The following TTN variants were observed in gnomAD, a reference collection of about 807,000 sequenced individuals.
TTN encodes titin.
TTN carries 1,525 observed loss-of-function variants against 3,223.0 expected under a neutral mutation model. That is an observed-to-expected ratio of 0.47 (90% confidence interval 0.45 to 0.49). The LOEUF is 0.49. Ranked by LOEUF, TTN falls within the 20% of genes least tolerant of loss-of-function variation. The pLI, the probability that TTN is intolerant of heterozygous loss-of-function variation, is 0.00. For synonymous variants in TTN, 14,094 were observed against 15,161.0 expected, an observed-to-expected ratio of 0.93 and a Z score of 5.17; for missense variants, 40,786 against 43,424.0, an observed-to-expected ratio of 0.94 and a Z score of 5.40.
chr2:178,542,803 C>CT lies in TTN; in HGVS notation c.97050dup (p.Glu32351ArgfsTer6), dbSNP rs794729365. The stretch of plus-strand genomic sequence containing the variant: ...GTGTGAGTTTCAACTGTGACACGCT[C>CT]TGATTCTCTCAGTTTAGAACCAGCA... On this transcript the variant is annotated frameshift_variant, in exon 348 of 363. Coordinates refer to ENST00000589042, the MANE Select transcript of TTN (RefSeq NM_001267550.2). LOFTEE classifies it high-confidence loss of function. 4 of 1,613,678 alleles carry CT rather than the reference C, an allele frequency of 2.5e-6. No individual in the cohort carries two copies. The highest frequency in any genetic ancestry group is 3.4e-6 in the Non-Finnish European group (4 of 1,179,774).
chr2:178,604,269 G>T lies in TTN; in HGVS notation c.54418C>A (p.Arg18140=). 1 of 1,552,662 alleles carries T rather than the reference G, an allele frequency of 6.4e-7. No homozygotes were observed. The highest frequency in any genetic ancestry group is 1.3e-5 in the South Asian group (1 of 79,794). The change falls in exon 282 of 363, where the codon CGA becomes AGA. Residue 18140 remains arginine, a synonymous_variant. Transcript: ENST00000589042. ...CCATATTTATTCACTGCCCTGACTC[G>T]GAACTCATACTGACCATTGGGGATA... is the stretch of plus-strand genomic sequence containing the variant. ...KLIPNGQYEF[R]VRAVNKYGIS...
rs1409457032 is a variant in TTN at position 178,769,652 on chromosome 2, T to C, written c.8902+27A>G. ...ATTTGATATTTTATATATATGTGTA[T>C]ATATATATATATATTTTTTAACTTA... On this transcript the variant is annotated intron_variant, in intron 37 of 362. Coordinates refer to ENST00000589042, the MANE Select transcript of TTN (RefSeq NM_001267550.2). 7.6e-6 allele frequency: 7 copies of C among 922,970 alleles called. No homozygotes were observed. In the Admixed American group the frequency reaches 1.9e-4, roughly 25 times the overall value. The allele number at this position is 922,970 out of a possible 1,614,324, so 57.2% of individuals were successfully genotyped here.
intron 321 of TTN, 59 bp from the exon 322 acceptor site, chr2:178,578,244 G>A (rs771513348): frequency 6.3e-6 from 9 of 1,431,542 alleles, no homozygotes; most frequent in Middle Eastern, 1.8e-4. Context: ...CAATATATAT[G>A]TGTTGCCCAA....
At position 178,532,779 on chromosome 2, in the gene TTN, T is replaced by C. The variant is rs533393186; in HGVS notation, c.103836A>G (p.Thr34612=). The C allele has an allele frequency of 1.9e-6, 3 of 1,614,000 alleles. No homozygotes were observed. The East Asian group carries it at 6.7e-5, about 36-fold the overall frequency. ...QFYVMPLPRI[T]DQYRPKWRIP... ...TACGCCATTTAGGTCTGTATTGATC[T>C]GTAATGCGTGGAAGAGGCATCACAT... Residue 34612 remains threonine (T), a synonymous_variant, in exon 358 of 363, where the codon ACA becomes ACG. Coordinates refer to ENST00000589042, the MANE Select transcript of TTN (RefSeq NM_001267550.2).
At chr2:178,538,493 A>C (rs1692759121) in intron 354 of TTN, 47 bp downstream of exon 354, 1 of 1,546,060 alleles carries the variant, frequency 6.5e-7, no homozygotes, top group Non-Finnish European at 8.7e-7. Context: ...ATTAGCCTTA[A>C]CTTGTTTAGT....
At chr2:178,612,669 C>G (rs1576435759) in intron 265 of TTN, 93 bp from the exon 266 acceptor site, 1 of 1,533,768 alleles carries the variant, frequency 6.5e-7, no homozygotes. Context: ...AGTAATGTAG[C>G]CAGGAGGAAA....
rs928128015 is a variant in TTN at position 178,537,376 on chromosome 2, T to G, written c.99831A>C (p.Gly33277=). The G allele has an allele frequency of 6.3e-7, 1 of 1,595,166 alleles. No individual in the cohort carries two copies. The highest frequency in any genetic ancestry group is 8.6e-7 in the Non-Finnish European group (1 of 1,168,676). Residue 33277 remains glycine (G), a synonymous_variant, in exon 355 of 363, where the codon GGA becomes GGC. Coordinates refer to ENST00000589042, the MANE Select transcript of TTN (RefSeq NM_001267550.2). ...CCACATCAAGGATGGCATCAACTGTTCCAAAAACATTGCTGAGCTGGACTT... is the reference window on the plus strand; with the variant it reads ...CCACATCAAGGATGGCATCAACTGTGCCAAAAACATTGCTGAGCTGGACTT... ...KYKVQLSNVF[G]TVDAILDVEI...
Position 178,566,701 on chromosome 2 carries a change from A to C in TTN, c.79431T>G (p.Val26477=), listed in dbSNP as rs776973437. ...AGVGEPSPAT[V]YYKACDPVFK... The stretch of plus-strand genomic sequence containing the variant: ...ACACAGGATCACAGGCTTTATAATA[A>C]ACTGTAGCTGGACTTGGTTCCCCAA... Residue 26477 remains valine (V), a synonymous_variant, in exon 326 of 363, where the codon GTT becomes GTG. Transcript: ENST00000589042. 11 of 1,613,288 alleles carry C rather than the reference A, an allele frequency of 6.8e-6. No individual in the cohort carries two copies. In the South Asian group the frequency reaches 1.1e-4, roughly 16 times the overall value.
chr2:178,546,553 C>T, intron 341 of TTN, 47 bp downstream of exon 341: 1 of 1,594,274 alleles, frequency 6.3e-7, no homozygotes, highest in Non-Finnish European at 8.6e-7. Context: ...TTTATTTTCA[C>T]ATAAATTGAG....
Position 178,773,663 on chromosome 2 carries a change from CA to C in TTN, c.7392del (p.Glu2465AsnfsTer9), listed in dbSNP as rs1173899040. 1.2e-6 allele frequency: 2 copies of C among 1,614,034 alleles called. No individual in the cohort carries two copies. The highest frequency in any genetic ancestry group is 1.7e-6 in the Non-Finnish European group (2 of 1,179,960). ...ACATCAGGGACTGACACCTTACATTCAAGCACAGCCTTGGTGCCTTCAATCA... is the reference window on the plus strand; with the variant it reads ...ACATCAGGGACTGACACCTTACATTCAGCACAGCCTTGGTGCCTTCAATCA... ...VNVIEGTKAVLECKVSVPDVT... is the reference protein window; with the variant it reads ...VNVIEGTKAVXECKVSVPDVT... On this transcript the variant is annotated frameshift_variant, in exon 32 of 363. Coordinates refer to ENST00000589042, the MANE Select transcript of TTN (RefSeq NM_001267550.2). LOFTEE classifies it high-confidence loss of function.
chr2:178,651,898 G>A lies in TTN; in HGVS notation c.39365C>T (p.Ala13122Val), dbSNP rs772564526. The A allele has an allele frequency of 3.7e-6, 6 of 1,607,920 alleles. No individual in the cohort carries two copies. Among genetic ancestry groups the A allele is most frequent in the Admixed American group, 3.4e-5 (2 of 59,044 alleles). Residue 13122 changes from alanine (A) to valine (V), a missense_variant, in exon 205 of 363, where the codon GCG (alanine) becomes GTG (valine). Transcript: ENST00000589042. ...TTGCCATGTACCTTGTGGAGGCGCC[G>A]CTGGCTCTGGCTCTTCCACAACTTC... Reference protein sequence around the residue: ...PAEVVEEPEPAAPPQVTVPPK... With the variant: ...PAEVVEEPEPVAPPQVTVPPK...
chr2:178,697,139 T>A lies in TTN; in HGVS notation c.30784A>T (p.Thr10262Ser). The A allele has an allele frequency of 3.2e-6, 5 of 1,553,344 alleles. No homozygotes were observed. Among genetic ancestry groups the A allele is most frequent in the Non-Finnish European group, 4.4e-6 (5 of 1,148,364 alleles). The part of the protein sequence containing the change: ...EIVKKPPPPT[T>S]LIPAKAPEII... ...TATTTACCTTTTGCTGGAATTAAGGTAGTAGGAGGTGGAGGCTTCTTGACA... is the reference window on the plus strand; with the variant it reads ...TATTTACCTTTTGCTGGAATTAAGGAAGTAGGAGGTGGAGGCTTCTTGACA... Residue 10262 changes from threonine to serine, a missense_variant, in exon 113 of 363, where the codon ACC becomes TCC. Thr to Ser is a moderately conservative substitution (Grantham distance 58). Coordinates refer to ENST00000589042, the MANE Select transcript of TTN (RefSeq NM_001267550.2).
intron 258 of TTN, 28 bp downstream of exon 258, chr2:178,615,613 G>A (rs746193789): frequency 4.5e-5 from 73 of 1,611,234 alleles, no homozygotes; most frequent in Non-Finnish European, 6.1e-5. Flanking sequence ...AACAAGATTA[G>A]GTAAGAAATC....
At position 178,601,885 on chromosome 2, in the gene TTN, T is replaced by C. The variant is rs1162954029; in HGVS notation, c.55299A>G (p.Ala18433=). The C allele has an allele frequency of 1.9e-6, 3 of 1,611,116 alleles. No homozygotes were observed. The East Asian group carries it at 6.7e-5, about 36-fold the overall frequency. ...ATTTTAATTATTATTTTTTTACCTG[T>C]GCATCTTCGGGTATGTCATGAACTC... ...KDGVHDIPED[A]QLETAENSSV... is the part of the protein sequence containing the mutation. Residue 18433 remains alanine, a synonymous_variant, in exon 285 of 363, where the codon GCA becomes GCG. Coordinates refer to ENST00000589042, the MANE Select transcript of TTN (RefSeq NM_001267550.2).
At chr2:178,691,787 T>C (rs944991404) in intron 121 of TTN, among the ~76,000 whole-genome samples, 3 of 152,244 alleles carry the variant, frequency 2.0e-5, no homozygotes, top group African/African-American at 7.2e-5. Flanking sequence ...AGATAGCAGT[T>C]TGACATAGTT....
At position 178,756,225 on chromosome 2, in the gene TTN, CT is replaced by C. The variant is rs1423189980; in HGVS notation, c.11250del (p.Gly3751ValfsTer19). On this transcript the variant is annotated frameshift_variant, in exon 46 of 363. Coordinates refer to ENST00000589042, the MANE Select transcript of TTN (RefSeq NM_001267550.2). LOFTEE classifies it high-confidence loss of function. The stretch of plus-strand genomic sequence containing the variant: ...TCATAGCTAAAAATCAATTAACCAC[CT>C]TCTACACTTAGTACTGCTGACGTTG... The part of the protein sequence containing the change: ...ERTTSAVLSV[E>X]GAPESILHER... The C allele has an allele frequency of 1.2e-6, 2 of 1,601,980 alleles. No homozygotes were observed. The highest frequency in any genetic ancestry group is 3.3e-5 in the Admixed American group (2 of 59,706).
In TTN at chr2:178,651,761, G is replaced by C. The variant is rs1467676812; in HGVS notation, c.39380-12C>G. ...AGGTGGTACGGTCACTAAAGAATTA[G>C]AAGGTATGTTTTAGAAAGAACGAAG... On this transcript the variant is annotated splice_polypyrimidine_tract_variant and intron_variant, in intron 205 of 362. Coordinates refer to ENST00000589042, the MANE Select transcript of TTN (RefSeq NM_001267550.2). 1.2e-6 allele frequency: 2 copies of C among 1,612,230 alleles called. No homozygotes were observed. Among genetic ancestry groups the C allele is most frequent in the South Asian group, 1.1e-5 (1 of 90,834 alleles).
rs200931793 is a variant in TTN, at chr2:178,621,944, C to A, written c.44978G>T (p.Gly14993Val). 1.9e-6 allele frequency: 3 copies of A among 1,611,808 alleles called. No homozygotes were observed. Among genetic ancestry groups the A allele is most frequent in the Non-Finnish European group, 2.5e-6 (3 of 1,178,858 alleles). Residue 14993 changes from glycine to valine, a missense_variant, in exon 244 of 363, where the codon GGA (glycine) becomes GTA (valine). By Grantham distance (109) the Gly-to-Val change is moderately radical. Transcript: ENST00000589042. ...KGKKYDIISK[G>V]AVRILVINKC... ...GTTGATGACAAGAATGCGCACTGCT[C>A]CCTTGGATATGATGTCATATTTTTT...
intron 71 of TTN, 166 bp downstream of exon 71, chr2:178,725,202 C>A: frequency 1.4e-6 from 1 of 729,296 alleles, no homozygotes; most frequent in Non-Finnish European, 1.9e-6. Flanking sequence ...ATCACAGAAA[C>A]AGAAAAGAGT....
Sources: gnomAD v4.1 joint callset for allele counts (sites outside exome capture counted in the v4.1 genomes callset) on GRCh38, gnomAD v4.1.1 for gene constraint, MANE v1.5 for transcripts, NCBI Gene and HGNC (gene_info 2026-07-23, HGNC 2026-07-21) for gene names.